Variants in LUC7L2 observed in about 807,000 individuals in gnomAD.
The protein encoded by LUC7L2 is LUC7 like 2, pre-mRNA splicing factor, also known as putative RNA-binding protein Luc7-like 2.
In LUC7L2, 25 loss-of-function variants were observed where a neutral mutation model predicts 52.8. The observed-to-expected ratio is 0.47, with a 90% CI of 0.34 to 0.66. The LOEUF (loss-of-function observed/expected upper bound fraction) is 0.66, where lower values mean the gene tolerates loss of function less well. Among genes scored for constraint, LUC7L2 ranks in the 30% least tolerant of loss-of-function variants. The pLI, the probability that LUC7L2 is intolerant of heterozygous loss-of-function variation, is 0.01. For missense variants in LUC7L2, 328 were observed against 497.8 expected (o/e 0.66, Z 3.25); for synonymous variants, 144 against 160.9 (o/e 0.89, Z 0.80).
At chr7:139,361,358 T>G (rs539373766) in intron 1 of LUC7L2, among the ~76,000 whole-genome samples, 3 of 152,368 alleles carry the variant, frequency 2.0e-5, no homozygotes, top group Non-Finnish European at 2.9e-5. Context: ...AGAAGTTATT[T>G]AAGTGTATTG....
chr7:139,349,339 A>T (rs78504291), intron 1 of LUC7L2, among the ~76,000 whole-genome samples: 96,625 of 152,082 alleles, frequency 0.64, 32,966 homozygotes, highest in African/African-American at 0.9. Context: ...TATGTTATTA[A>T]GGTTTAAATA....
intron 2 of LUC7L2, among the ~76,000 whole-genome samples, chr7:139,379,652 C>T (rs1282097767): frequency 2.1e-5 from 3 of 143,488 alleles, no homozygotes; most frequent in Admixed American, 7.2e-5. Flanking sequence ...TCACTGCAAC[C>T]TCCGCCTCCA....
intron 5 of LUC7L2, among the ~76,000 whole-genome samples, chr7:139,406,434 C>T (rs952841694): frequency 6.7e-6 from 1 of 150,250 alleles, no homozygotes; most frequent in Non-Finnish European, 1.5e-5. Flanking sequence ...CTCACTGAAA[C>T]CTCTGCTTCC....
intron 2 of LUC7L2, among the ~76,000 whole-genome samples, chr7:139,391,153 A>G (rs756839003): frequency 3.3e-5 from 5 of 152,214 alleles, no homozygotes; most frequent in Non-Finnish European, 7.3e-5. Flanking sequence ...GTATTAATAT[A>G]TTCATAGTCT....
intron 3 of LUC7L2, among the ~76,000 whole-genome samples, chr7:139,399,702 C>G (rs887960972): frequency 1.3e-5 from 2 of 151,762 alleles, no homozygotes; most frequent in Non-Finnish European, 2.9e-5. Context: ...ATCTCCTGAC[C>G]GCGTGATCCG....
chr7:139,408,719 G>T lies in LUC7L2; in HGVS notation c.688-844G>T, dbSNP rs1795222713. On this transcript the variant is annotated intron_variant, in intron 6 of 9. Transcript: ENST00000354926. ...TAGCTGGGTGTGGTGGCATGTGCCT[G>T]TAGTCCCAGCTACTCTGGAGACTGA... 2.6e-5 allele frequency among the ~76,000 whole-genome samples: 4 copies of T among 151,976 alleles called. No individual in the cohort carries two copies. In the South Asian group the frequency reaches 8.3e-4, roughly 31 times the overall value.
upstream of LUC7L2, chr7:139,359,592 G>A: frequency 2.6e-6 from 1 of 387,192 alleles, no homozygotes; most frequent in South Asian, 1.4e-4. Context: ...AACCTCTAGC[G>A]CATTTTGCTA....
chr7:139,382,879 A>G (rs1411335137), intron 2 of LUC7L2, among the ~76,000 whole-genome samples: 1 of 152,072 alleles, frequency 6.6e-6, no homozygotes, highest in African/African-American at 2.4e-5. Flanking sequence ...AGCCTGATCT[A>G]AAAATCAGTT....
upstream of LUC7L2, chr7:139,359,694 C>A: frequency 5.0e-6 from 2 of 398,150 alleles, no homozygotes; most frequent in Non-Finnish European, 8.9e-6. Context: ...TTTGGCGCCT[C>A]GGGGCGGATC....
intron 7 of LUC7L2, 107 bp from the exon 8 acceptor site, chr7:139,412,444 T>C: frequency 7.3e-7 from 1 of 1,372,378 alleles, no homozygotes; most frequent in Non-Finnish European, 9.8e-7. Flanking sequence ...CGCCTTGTAT[T>C]TATAAAATTA....
At chr7:139,392,037 T>C (rs1410284512) in intron 2 of LUC7L2, among the ~76,000 whole-genome samples, 1 of 152,210 alleles carries the variant, frequency 6.6e-6, no homozygotes, top group Non-Finnish European at 1.5e-5. Flanking sequence ...CCACCTTCTC[T>C]TTTCTCCACT....
At position 139,422,474 on chromosome 7, in the gene LUC7L2, CTT is replaced by C. The variant is rs751676692; in HGVS notation, c.*135_*136del. On this transcript the variant is annotated 3_prime_UTR_variant, in exon 10 of 10. Transcript: ENST00000354926. ...GCTAGGCTAGATGTACAGTATCTAA[CTT>C]GATCTGAACTGAACCTGTTTTCCTT... 94 of 1,416,068 alleles carry C rather than the reference CTT, an allele frequency of 6.6e-5. No individual in the cohort carries two copies. The highest frequency in any genetic ancestry group is 8.7e-5 in the Non-Finnish European group (94 of 1,085,596). 87.7% of individuals were successfully genotyped at this position (1,416,068 alleles called of 1,614,324 possible). A position where few individuals can be genotyped will look rare whatever the true frequency, so the allele number is the denominator to read the frequency against.
chr7:139,353,242 T>C (rs10234578), intron 1 of LUC7L2, among the ~76,000 whole-genome samples: 58,813 of 152,048 alleles, frequency 0.39, 15,829 homozygotes, highest in African/African-American at 0.77. Context: ...TATGTACCGA[T>C]GCCCCAAGTA....
chr7:139,376,044 A>T lies in LUC7L2; in HGVS notation c.62-18A>T. On this transcript the variant is annotated intron_variant, in intron 1 of 9. Transcript: ENST00000354926. ...CAGTTGTCTAACCTTGAATGTTATT[A>T]ACTCTTCTATATTACAGGAGATACA... 1.9e-6 allele frequency: 3 copies of T among 1,612,622 alleles called. No individual in the cohort carries two copies. The South Asian group carries it at 3.3e-5, about 18-fold the overall frequency.
intron 2 of LUC7L2, among the ~76,000 whole-genome samples, chr7:139,396,513 C>T (rs1187659618): frequency 6.6e-6 from 1 of 152,168 alleles, no homozygotes; most frequent in African/African-American, 2.4e-5. Context: ...CATAATAAAA[C>T]AAATCTATTT....
chr7:139,398,804 G>A (rs2131274809), intron 3 of LUC7L2, 107 bp downstream of exon 3: 1 of 963,544 alleles, frequency 1.0e-6, no homozygotes, highest in Non-Finnish European at 1.5e-6. Flanking sequence ...TTATCCTCTG[G>A]TTATATGAAG....
chr7:139,390,855 C>G (rs1585107243), intron 2 of LUC7L2, among the ~76,000 whole-genome samples: 2 of 152,264 alleles, frequency 1.3e-5, no homozygotes, highest in East Asian at 3.9e-4. Context: ...CATGCCGGGC[C>G]TAGACAATGT....
chr7:139,360,455 T>G, intron 1 of LUC7L2, 133 bp downstream of exon 1: 1 of 738,688 alleles, frequency 1.4e-6, no homozygotes, highest in Non-Finnish European at 2.2e-6. Flanking sequence ...GAGGTCCCCG[T>G]CCCCCGTCCC....
chr7:139,371,631 G>C (rs1487414501), intron 1 of LUC7L2, among the ~76,000 whole-genome samples: 1 of 152,140 alleles, frequency 6.6e-6, no homozygotes, highest in Non-Finnish European at 1.5e-5. Flanking sequence ...CCTAGGCTAA[G>C]GTTGTAATGT....
Sources: gnomAD v4.1 joint callset for allele counts (sites outside exome capture counted in the v4.1 genomes callset) on GRCh38, gnomAD v4.1.1 for gene constraint, MANE v1.5 for transcripts, NCBI Gene and HGNC (gene_info 2026-07-23, HGNC 2026-07-21) for gene names.